Variants in PPWD1 observed in about 807,000 individuals in gnomAD.
PPWD1 encodes the protein peptidylprolyl isomerase domain and WD repeat-containing protein 1.
PPWD1 carries 43 observed loss-of-function variants against 68.8 expected under a neutral mutation model. The observed-to-expected ratio is 0.62, with a 90% CI of 0.49 to 0.81. PPWD1 has a LOEUF of 0.81. Ranked by LOEUF, PPWD1 falls within the 30% of genes least tolerant of loss-of-function variation. The probability of loss-of-function intolerance (pLI) is 0.00; values close to 1 mark genes in which losing one functional copy is unlikely to be tolerated. For synonymous variants in PPWD1, 232 were observed against 258.7 expected, an observed-to-expected ratio of 0.90 and a Z score of 0.99; for missense variants, 672 against 804.8, an observed-to-expected ratio of 0.83 and a Z score of 2.00.
intron 1 of PPWD1, chr5:65,563,969 T>TGAC (rs1265312647): frequency 1.2e-6 from 1 of 834,120 alleles, no homozygotes; most frequent in Non-Finnish European, 1.9e-6. Flanking sequence ...ATTTCAACTC[T>TGAC]GACACTTCCA....
At position 65,571,821 on chromosome 5, in the gene PPWD1, A is replaced by C. The variant is rs558452880; in HGVS notation, c.522-18A>C. The C allele has an allele frequency of 8.7e-6, 14 of 1,605,620 alleles. No homozygotes were observed. The highest frequency in any genetic ancestry group is 1.7e-5 in the Admixed American group (1 of 58,936). On this transcript the variant is annotated intron_variant, in intron 4 of 10. Transcript: ENST00000261308. ...GTGCTGACCTTTTTTTTTCCCTCTC[A>C]ATTCTTTACGATTTTAGCTATTTTC...
intron 4 of PPWD1, 124 bp downstream of exon 4, chr5:65,570,122 G>T: frequency 8.3e-7 from 1 of 1,202,104 alleles, no homozygotes; most frequent in Non-Finnish European, 1.1e-6. Context: ...TGTGCTGTTG[G>T]GTTTTGCTTG....
At chr5:65,572,433 T>C in intron 5 of PPWD1, 147 bp downstream of exon 5, 1 of 877,990 alleles carries the variant, frequency 1.1e-6, no homozygotes, top group Non-Finnish European at 1.7e-6. Context: ...ACTGTTTCTG[T>C]CTTGTAGTGT....
intron 6 of PPWD1, 139 bp from the exon 7 acceptor site, chr5:65,579,285 G>C: frequency 7.8e-7 from 1 of 1,275,456 alleles, no homozygotes; most frequent in Non-Finnish European, 1.0e-6. Flanking sequence ...TTGGGGGGTA[G>C]AGAAACACTT....
chr5:65,567,873 C>T, intron 2 of PPWD1: 1 of 453,484 alleles, frequency 2.2e-6, no homozygotes, highest in Non-Finnish European at 3.2e-6. Flanking sequence ...TCTGAGCTTC[C>T]CTGAAGAAGA....
intron 7 of PPWD1, among the ~76,000 whole-genome samples, chr5:65,581,371 G>A (rs141336092): frequency 1.3e-5 from 2 of 152,226 alleles, no homozygotes; most frequent in Admixed American, 6.5e-5. Context: ...AAGATCATTT[G>A]AGCCCAGGAC....
chr5:65,571,809 T>A (rs538645758), intron 4 of PPWD1, 30 bp from the exon 5 acceptor site: 2 of 1,597,354 alleles, frequency 1.3e-6, no homozygotes, highest in African/African-American at 2.7e-5. Context: ...CTGACCTTTT[T>A]TTTTCCCTCT....
At chr5:65,563,922 A>G in intron 1 of PPWD1, 1 of 1,277,554 alleles carries the variant, frequency 7.8e-7, no homozygotes, top group Admixed American at 2.0e-5. Context: ...CGCGAGAGGA[A>G]GGCGGTGCTT....
chr5:65,574,838 C>T (rs865909590), intron 5 of PPWD1, among the ~76,000 whole-genome samples: 9 of 152,350 alleles, frequency 5.9e-5, no homozygotes, highest in Admixed American at 5.2e-4. Flanking sequence ...TCAACATTTG[C>T]TTAAATGATT....
chr5:65,575,280 A>G (rs1242169019), intron 5 of PPWD1, among the ~76,000 whole-genome samples: 1 of 152,212 alleles, frequency 6.6e-6, no homozygotes, highest in Non-Finnish European at 1.5e-5. Flanking sequence ...AGAAATGATC[A>G]TTAGCCCTTC....
At chr5:65,568,465 G>C (rs780249277) in intron 2 of PPWD1, among the ~76,000 whole-genome samples, 9 of 152,100 alleles carry the variant, frequency 5.9e-5, no homozygotes, top group Non-Finnish European at 1.3e-4. Context: ...CTAAATCCTA[G>C]AAGACTTTTT....
At chr5:65,578,786 ATATATATATACATATATATGTG>A (rs745512804) in intron 6 of PPWD1, among the ~76,000 whole-genome samples, 61 of 138,038 alleles carry the variant, frequency 4.4e-4, no homozygotes, top group Admixed American at 2.8e-3. Flanking sequence ...ATATATGTGT[ATATATATATACATATATATGTG>A]TATATATATA....
intron 7 of PPWD1, among the ~76,000 whole-genome samples, chr5:65,579,839 C>T (rs1379560803): frequency 6.6e-6 from 1 of 152,072 alleles, no homozygotes; most frequent in African/African-American, 2.4e-5. Context: ...ACCTCGTTTC[C>T]ACAACTATTT....
intron 7 of PPWD1, among the ~76,000 whole-genome samples, chr5:65,581,154 A>G (rs1360745455): frequency 6.6e-6 from 1 of 152,180 alleles, no homozygotes; most frequent in Non-Finnish European, 1.5e-5. Context: ...TTCCATCTAA[A>G]TGGGTAAATA....
chr5:65,565,059 T>G (rs1752675294), intron 1 of PPWD1, among the ~76,000 whole-genome samples: 1 of 152,254 alleles, frequency 6.6e-6, no homozygotes, highest in Non-Finnish European at 1.5e-5. Context: ...ATTGACACCC[T>G]TACAGTGCAT....
Position 65,583,047 on chromosome 5 carries a change from C to G in PPWD1, c.1360C>G (p.Arg454Gly). Residue 454 changes from arginine to glycine, a missense_variant, in exon 8 of 11, where the codon CGA becomes GGA. Coordinates refer to ENST00000261308, the MANE Select transcript of PPWD1 (RefSeq NM_015342.4). ...KKNRFYMFTK[R>G]EPEDTKSADS... ...TACTTTCCTCCTTGAGTTTACCAAA[C>G]GAGAACCAGAAGATACGAAAAGTGC... is the stretch of plus-strand genomic sequence containing the variant. The G allele has an allele frequency of 1.9e-6, 3 of 1,572,504 alleles. No homozygotes were observed. Among genetic ancestry groups the G allele is most frequent in the South Asian group, 1.2e-5 (1 of 84,790 alleles).
chr5:65,585,547 A>G (rs1225763310), intron 9 of PPWD1, among the ~76,000 whole-genome samples: 2 of 152,110 alleles, frequency 1.3e-5, no homozygotes, highest in Non-Finnish European at 2.9e-5. Flanking sequence ...CATAAAGTGG[A>G]TGGGGCACTG....
In PPWD1 at chr5:65,580,498, T is replaced by TC. The variant is rs569532123; in HGVS notation, c.1350+886dup. 1.1e-4 allele frequency among the ~76,000 whole-genome samples: 16 copies of TC among 152,280 alleles called. No homozygotes were observed. The East Asian group carries it at 3.1e-3, about 29-fold the overall frequency. ...CTCTCTCCAACTCCTAACTCATACT[T>TC]CAAGTTTCAGTTTGGAAGCCCCTCT... On this transcript the variant is annotated intron_variant, in intron 7 of 10. Transcript: ENST00000261308.
At chr5:65,584,526 T>C (rs901363274) in intron 8 of PPWD1, among the ~76,000 whole-genome samples, 1 of 152,116 alleles carries the variant, frequency 6.6e-6, no homozygotes, top group Admixed American at 6.6e-5. Context: ...CCTATACTAC[T>C]ACATGCAGAC....
Sources: gnomAD v4.1 joint callset for allele counts (sites outside exome capture counted in the v4.1 genomes callset) on GRCh38, gnomAD v4.1.1 for gene constraint, MANE v1.5 for transcripts, NCBI Gene and HGNC (gene_info 2026-07-23, HGNC 2026-07-21) for gene names.